The following PREP variants were observed in gnomAD, a reference collection of about 807,000 sequenced individuals.
PREP encodes the protein prolyl endopeptidase, also known as dJ355L5.1 (prolyl endopeptidase).
A neutral mutation model predicts 87.6 loss-of-function variants in PREP; 29 were observed. The observed-to-expected ratio is 0.33, with a 90% CI of 0.25 to 0.45. The LOEUF is 0.45. Among genes scored for constraint, PREP ranks in the 20% least tolerant of loss-of-function variants. The pLI, the probability that PREP is intolerant of heterozygous loss-of-function variation, is 1.00. For missense variants in PREP, 695 were observed against 886.5 expected (o/e 0.78, Z 2.74); for synonymous variants, 337 against 328.6 (o/e 1.03, Z -0.28).
chr6:105,383,277 C>G (rs143754926), intron 2 of PREP, among the ~76,000 whole-genome samples: 3 of 150,252 alleles, frequency 2.0e-5, no homozygotes, highest in Non-Finnish European at 4.4e-5. Flanking sequence ...AAAGAGTGCT[C>G]GTAATTTTCC....
At chr6:105,387,225 A>C (rs1482597634) in intron 2 of PREP, among the ~76,000 whole-genome samples, 1 of 151,952 alleles carries the variant, frequency 6.6e-6, no homozygotes, top group Non-Finnish European at 1.5e-5. Flanking sequence ...TCAAAAAAAA[A>C]ACAAAATAAA....
Position 105,320,674 on chromosome 6 carries a change from G to A in PREP, c.1317+2991C>T, listed in dbSNP as rs189614134. ...ACATCAAAATGATAATATGCCTCACGGAATGAACAAAGAAATGAAACATAG... is the reference window on the plus strand; with the variant it reads ...ACATCAAAATGATAATATGCCTCACAGAATGAACAAAGAAATGAAACATAG... On this transcript the variant is annotated intron_variant, in intron 10 of 14. Coordinates refer to ENST00000652536, the MANE Select transcript of PREP (RefSeq NM_002726.5). Among the ~76,000 whole-genome samples, 4 of 152,172 alleles carry A rather than the reference G, an allele frequency of 2.6e-5. No individual in the cohort carries two copies. The East Asian group carries it at 5.8e-4, about 22-fold the overall frequency.
At chr6:105,284,572 G>C (rs916514846) in intron 12 of PREP, among the ~76,000 whole-genome samples, 7 of 152,102 alleles carry the variant, frequency 4.6e-5, no homozygotes, top group African/African-American at 1.7e-4. Context: ...CCAAGCACTG[G>C]GGTCCTGGTA....
chr6:105,291,438 A>G (rs1413844468), intron 10 of PREP, among the ~76,000 whole-genome samples: 2 of 152,194 alleles, frequency 1.3e-5, no homozygotes. Context: ...AAAGACATTA[A>G]CATTTGAGTC....
chr6:105,293,223 C>T (rs1451345830), intron 10 of PREP, among the ~76,000 whole-genome samples: 2 of 152,144 alleles, frequency 1.3e-5, no homozygotes, highest in African/African-American at 4.8e-5. Context: ...CTGGCTTTGA[C>T]TTAAAGTGAG....
At chr6:105,362,641 A>G (rs1772284075) in intron 6 of PREP, among the ~76,000 whole-genome samples, 1 of 152,198 alleles carries the variant, frequency 6.6e-6, no homozygotes, top group Non-Finnish European at 1.5e-5. Flanking sequence ...CCACGTCTCT[A>G]GCTTGGCTTT....
chr6:105,328,231 A>G (rs1468574441), intron 9 of PREP, among the ~76,000 whole-genome samples: 2 of 152,158 alleles, frequency 1.3e-5, no homozygotes, highest in African/African-American at 4.8e-5. Context: ...TAGACCAAAG[A>G]CTGAATCAAA....
At position 105,373,383 on chromosome 6, in the gene PREP, T is replaced by A. The variant is rs573925864; in HGVS notation, c.581A>T (p.Asp194Val). The part of the protein sequence containing the change: ...GMFYNSYPQQ[D>V]GKSDGTETST... ...TCTTCACTCACCATCACTTTTTCCA[T>A]CCTGTTGAGGGTATGAGTTGTAGAA... The change falls in exon 5 of 15, where the codon GAT becomes GTT. Residue 194 changes from aspartate (D) to valine (V), a missense_variant. Asp to Val is a radical substitution (Grantham distance 152). This residue lies in a region of PREP where 517 missense variants were observed against 620.3 expected (regional missense o/e 0.83). Transcript: ENST00000652536. 8 of 1,614,022 alleles carry A rather than the reference T, an allele frequency of 5.0e-6. No individual in the cohort carries two copies. The highest frequency in any genetic ancestry group is 3.3e-4 in the Middle Eastern group (2 of 6,084).
At chr6:105,334,619 TGAAG>T (rs1771430672) in intron 7 of PREP, among the ~76,000 whole-genome samples, 1 of 151,910 alleles carries the variant, frequency 6.6e-6, no homozygotes, top group African/African-American at 2.4e-5. Context: ...CTTGGTAGGC[TGAAG>T]AGAAGAACAG....
chr6:105,395,193 T>C (rs1583108323), intron 2 of PREP, among the ~76,000 whole-genome samples: 2 of 152,270 alleles, frequency 1.3e-5, no homozygotes, highest in Admixed American at 1.3e-4. Context: ...AAAGAACAGG[T>C]CAGCATGGGA....
At chr6:105,360,061 C>T (rs1456976684) in intron 6 of PREP, among the ~76,000 whole-genome samples, 1 of 151,950 alleles carries the variant, frequency 6.6e-6, no homozygotes, top group Non-Finnish European at 1.5e-5. Context: ...CCCACGGCCA[C>T]TGTTCTTCCA....
Position 105,277,388 on chromosome 6 carries a change from C to CAAAT in PREP, c.*752_*755dup, listed in dbSNP as rs1191287306. The stretch of plus-strand genomic sequence containing the variant: ...AATACTTTGTAAACAAATCAATATA[C>CAAAT]AAATAGGTGAATAATCTGAATTTTC... On this transcript the variant is annotated 3_prime_UTR_variant, in exon 15 of 15. Coordinates refer to ENST00000652536, the MANE Select transcript of PREP (RefSeq NM_002726.5). Among the ~76,000 whole-genome samples the CAAAT allele has an allele frequency of 6.6e-6, 1 of 152,076 alleles. No homozygotes were observed. The highest frequency in any genetic ancestry group is 2.4e-5 in the African/African-American group (1 of 41,422).
At chr6:105,300,138 C>T (rs1019963978) in intron 10 of PREP, among the ~76,000 whole-genome samples, 1 of 152,240 alleles carries the variant, frequency 6.6e-6, no homozygotes, top group Admixed American at 6.5e-5. Context: ...TTTCAGTGAT[C>T]TGCCCATCTC....
intron 2 of PREP, among the ~76,000 whole-genome samples, chr6:105,393,496 A>G (rs1320312279): frequency 1.3e-5 from 2 of 152,208 alleles, no homozygotes; most frequent in African/African-American, 4.8e-5. Context: ...ACAAGGCAAC[A>G]CACAATTCAG....
intron 10 of PREP, among the ~76,000 whole-genome samples, chr6:105,314,301 AAAC>A (rs1229290506): frequency 6.6e-6 from 1 of 152,138 alleles, no homozygotes; most frequent in East Asian, 1.9e-4. Context: ...CAATTTCTTA[AAAC>A]AACAATGAAG....
rs748710869 is a variant in PREP, at chr6:105,333,429, G to C, written c.900C>G (p.Phe300Leu). The C allele has an allele frequency of 1.2e-6, 2 of 1,614,188 alleles. No homozygotes were observed. The highest frequency in any genetic ancestry group is 1.7e-6 in the Non-Finnish European group (2 of 1,180,030). Residue 300 changes from phenylalanine (F) to leucine (L), a missense_variant, in exon 8 of 15, where the codon TTC becomes TTG. This residue lies in a region of PREP where 517 missense variants were observed against 620.3 expected (regional missense o/e 0.83). Transcript: ENST00000652536. ...YDYVTNEGTV[F>L]TFKTNRQSPN... is the part of the protein sequence containing the mutation. ...GAGACTGGCGATTCGTCTTGAATGT[G>C]AACACCGTCCCCTCATTGGTCACGT...
At chr6:105,317,595 T>C (rs966807212) in intron 10 of PREP, among the ~76,000 whole-genome samples, 28 of 152,120 alleles carry the variant, frequency 1.8e-4, no homozygotes, top group African/African-American at 6.8e-4. Context: ...CTGATTACCT[T>C]TCTGTAGGTG....
At chr6:105,290,395 T>A (rs545072172) in intron 10 of PREP, among the ~76,000 whole-genome samples, 1 of 152,188 alleles carries the variant, frequency 6.6e-6, no homozygotes, top group Non-Finnish European at 1.5e-5. Context: ...CCGTCTCACA[T>A]GATGCTACCT....
At chr6:105,323,889 G>T (rs1004645714) in intron 9 of PREP, 121 bp from the exon 10 acceptor site, 10 of 833,576 alleles carry the variant, frequency 1.2e-5, no homozygotes, top group Admixed American at 8.0e-5. Flanking sequence ...TCAGGGACTT[G>T]GTTAATCCCC....
Sources: allele counts gnomAD v4.1 joint callset (sites outside exome capture counted in the v4.1 genomes callset), GRCh38; gene constraint gnomAD v4.1.1; regional missense constraint gnomAD v4.1.1; transcripts MANE v1.5; gene names NCBI Gene and HGNC (gene_info 2026-07-23, HGNC 2026-07-21).